Variants in SAMD5 observed in about 807,000 individuals in gnomAD.
SAMD5 encodes sterile alpha motif domain-containing protein 5.
SAMD5 carries 13 observed loss-of-function variants against 11.3 expected under a neutral mutation model. The observed-to-expected ratio is 1.15, with a 90% CI of 0.75 to 1.83. The LOEUF (loss-of-function observed/expected upper bound fraction) is 1.83. SAMD5 is among the 40% of genes most tolerant of loss of function. SAMD5 has a pLI of 0.00. For synonymous variants in SAMD5, 129 were observed against 111.3 expected, an observed-to-expected ratio of 1.16 and a Z score of -1.00; for missense variants, 255 against 239.1, an observed-to-expected ratio of 1.07 and a Z score of -0.44.
intron 1 of SAMD5, among the ~76,000 whole-genome samples, chr6:147,550,412 C>T (rs1360129837): frequency 6.6e-5 from 10 of 151,774 alleles, no homozygotes; most frequent in African/African-American, 2.4e-4. Flanking sequence ...GATATTTACC[C>T]AAAGGAAAAG....
intron 1 of SAMD5, among the ~76,000 whole-genome samples, chr6:147,510,555 G>A (rs1562309134): frequency 6.6e-6 from 1 of 152,174 alleles, no homozygotes; most frequent in Non-Finnish European, 1.5e-5. Context: ...GTGTTGTGTG[G>A]GTATCTTGGG....
the SAMD5 span, among the ~76,000 whole-genome samples, chr6:147,852,971 C>A: frequency 6.6e-6 from 1 of 152,164 alleles, no homozygotes. Context: ...GATTTGTCAT[C>A]TTTTCTACAT....
At chr6:147,686,253 C>T (rs73012000) in intron 1 of SAMD5, among the ~76,000 whole-genome samples, 17,505 of 152,162 alleles carry the variant, frequency 0.12, 1,106 homozygotes, top group Middle Eastern at 0.16. Context: ...GTTTCTTCAG[C>T]ACTCTGTGGT....
intron 1 of SAMD5, among the ~76,000 whole-genome samples, chr6:147,636,919 T>G (rs1790238610): frequency 6.6e-6 from 1 of 151,808 alleles, no homozygotes; most frequent in Non-Finnish European, 1.5e-5. Context: ...TAAGGAATTT[T>G]TTTTTTTAAA....
chr6:147,846,951 A>G, the SAMD5 span, among the ~76,000 whole-genome samples: 2 of 152,232 alleles, frequency 1.3e-5, no homozygotes, highest in African/African-American at 2.4e-5. Flanking sequence ...CACTATTGTT[A>G]TAAGTCCCTG....
the SAMD5 span, among the ~76,000 whole-genome samples, chr6:147,802,502 T>C: frequency 5.3e-5 from 8 of 152,176 alleles, no homozygotes; most frequent in Admixed American, 2.6e-4. Flanking sequence ...AGTATAGCAG[T>C]TTCTTATAAA....
chr6:147,775,253 T>A, the SAMD5 span, among the ~76,000 whole-genome samples: 19 of 152,252 alleles, frequency 1.2e-4, no homozygotes, highest in African/African-American at 4.3e-4. Context: ...ATTTTCTAGC[T>A]GCAGGAACTG....
chr6:147,623,162 A>T (rs1789997891), intron 1 of SAMD5, among the ~76,000 whole-genome samples: 1 of 152,192 alleles, frequency 6.6e-6, no homozygotes, highest in Admixed American at 6.5e-5. Flanking sequence ...AGGATTGTGA[A>T]ATTACAGTTT....
At chr6:147,561,310 C>A (rs1788945153) in intron 1 of SAMD5, among the ~76,000 whole-genome samples, 2 of 152,162 alleles carry the variant, frequency 1.3e-5, no homozygotes, top group African/African-American at 4.8e-5. Context: ...GCCTCAGCCT[C>A]CTGAGTAGCT....
At chr6:147,728,639 G>C (rs1791663927) in intron 1 of SAMD5, among the ~76,000 whole-genome samples, 1 of 152,078 alleles carries the variant, frequency 6.6e-6, no homozygotes, top group African/African-American at 2.4e-5. Flanking sequence ...TTCTTCAATA[G>C]ACAAACGAAA....
At chr6:147,713,132 T>A (rs17389835) in intron 1 of SAMD5, among the ~76,000 whole-genome samples, 1 of 152,184 alleles carries the variant, frequency 6.6e-6, no homozygotes, top group Non-Finnish European at 1.5e-5. Context: ...CTTAAAGCAA[T>A]ACCTGTTTGT....
downstream of SAMD5, chr6:147,741,618 T>C (rs1791880375): frequency 1.3e-5 from 2 of 152,206 alleles, no homozygotes; most frequent in African/African-American, 4.8e-5. Context: ...GTATGTGTTG[T>C]TGGCAGGTAT....
chr6:147,859,093 T>C, the SAMD5 span, among the ~76,000 whole-genome samples: 1 of 152,176 alleles, frequency 6.6e-6, no homozygotes, highest in African/African-American at 2.4e-5. Context: ...AGCAAAGACC[T>C]TTGTGTTTTG....
At chr6:147,877,944 T>TTTTTCTTTTTG in the SAMD5 span, among the ~76,000 whole-genome samples, 9 of 97,638 alleles carry the variant, frequency 9.2e-5, no homozygotes, top group African/African-American at 3.0e-4. Context: ...GATAGATAGA[T>TTTTTCTTTTTG]AGACTCTGTC....
At chr6:147,675,882 G>A (rs1389676569) in intron 1 of SAMD5, among the ~76,000 whole-genome samples, 2 of 152,046 alleles carry the variant, frequency 1.3e-5, no homozygotes, top group Admixed American at 6.6e-5. Flanking sequence ...TTAATGCCAC[G>A]CAAAAGAAAT....
the SAMD5 span, among the ~76,000 whole-genome samples, chr6:147,829,592 C>T: frequency 5.9e-5 from 9 of 152,124 alleles, no homozygotes; most frequent in East Asian, 7.7e-4. Flanking sequence ...TATGCATATA[C>T]GTGAATATTA....
intron 1 of SAMD5, among the ~76,000 whole-genome samples, chr6:147,654,786 A>G (rs1790541488): frequency 6.6e-6 from 1 of 151,926 alleles, no homozygotes. Flanking sequence ...TCTCAAAAAA[A>G]AAAAAATATA....
At chr6:147,598,536 C>A (rs1379035264) in intron 1 of SAMD5, among the ~76,000 whole-genome samples, 1 of 152,176 alleles carries the variant, frequency 6.6e-6, no homozygotes, top group Admixed American at 6.5e-5. Context: ...GGGTTCGAGG[C>A]ATTCATCTAC....
At chr6:147,792,742 A>G in the SAMD5 span, among the ~76,000 whole-genome samples, 2 of 152,192 alleles carry the variant, frequency 1.3e-5, no homozygotes, top group African/African-American at 2.4e-5. Context: ...GAAGTACTCA[A>G]GAAACATGAT....
Sources: gnomAD v4.1 joint callset for allele counts (sites outside exome capture counted in the v4.1 genomes callset) on GRCh38, gnomAD v4.1.1 for gene constraint, MANE v1.5 for transcripts, NCBI Gene and HGNC (gene_info 2026-07-23, HGNC 2026-07-21) for gene names.